The following TMPRSS9 variants were observed in gnomAD, a reference collection of about 807,000 sequenced individuals.
TMPRSS9 encodes the protein transmembrane protease serine 9.
TMPRSS9 carries 113 observed loss-of-function variants against 111.4 expected under a neutral mutation model. The ratio of observed to expected loss-of-function variants is 1.01; its 90% confidence interval spans 0.87 to 1.19. The LOEUF is 1.19. TMPRSS9 is among the 50% of genes most tolerant of loss of function. TMPRSS9 has a pLI of 0.00. For synonymous variants in TMPRSS9, 805 were observed against 659.1 expected (o/e 1.22, Z -3.39); for missense variants, 1,803 against 1,513.1 (o/e 1.19, Z -3.18).
intron 1 of TMPRSS9, among the ~76,000 whole-genome samples, chr19:2,394,740 T>G (rs1345421128): frequency 6.6e-6 from 1 of 152,152 alleles, no homozygotes; most frequent in Non-Finnish European, 1.5e-5. Context: ...GCTTTCACGG[T>G]TTACGCGGTT....
At chr19:2,416,696 C>A in exon 12 of TMPRSS9, 2 of 1,613,204 alleles carry the variant, frequency 1.2e-6, no homozygotes, top group Non-Finnish European at 1.7e-6. Flanking sequence ...CTGGCCAGCC[C>A]CCTGGCCTTC....
intron 7 of TMPRSS9, among the ~76,000 whole-genome samples, chr19:2,405,998 TTTTCTTTC>T (rs1250808255): frequency 6.8e-6 from 1 of 146,276 alleles, no homozygotes; most frequent in African/African-American, 2.5e-5. Flanking sequence ...GCCCGGCCTC[TTTTCTTTC>T]TTTCTTTCTT....
chr19:2,420,208 G>A (rs1971431700), intron 13 of TMPRSS9, among the ~76,000 whole-genome samples: 1 of 152,090 alleles, frequency 6.6e-6, no homozygotes. Context: ...GGAGGCCGAG[G>A]CAGGCAGATC....
rs144630215 is a variant in TMPRSS9, at chr19:2,368,155, A to T, written c.-26+7795A>T. On this transcript the variant is annotated intron_variant, in intron 1 of 17. Transcript: ENST00000649857. The stretch of plus-strand genomic sequence containing the variant: ...GAAATAACTTGCTCTTTCAGGAGGC[A>T]TTAGGCTACGGAACGGAGAGACTGC... 2.9e-3 allele frequency among the ~76,000 whole-genome samples: 435 copies of T among 152,298 alleles called. 3 individuals are homozygous for T. Among genetic ancestry groups the T allele is most frequent in the African/African-American group, 0.01 (418 of 41,574 alleles).
intron 6 of TMPRSS9, 81 bp from the exon 8 acceptor site, chr19:2,405,293 G>A: frequency 6.7e-7 from 1 of 1,481,692 alleles, no homozygotes; most frequent in Non-Finnish European, 8.9e-7. Context: ...GTAGACGAGA[G>A]ACTCAGAGAT....
At chr19:2,394,781 C>T (rs576661283) in intron 1 of TMPRSS9, among the ~76,000 whole-genome samples, 30 of 130,578 alleles carry the variant, frequency 2.3e-4, no homozygotes, top group African/African-American at 8.9e-4. Context: ...GTTGTAATTA[C>T]GGCCATTTTT....
chr19:2,376,410 G>T (rs1278461303), intron 1 of TMPRSS9, among the ~76,000 whole-genome samples: 1 of 152,120 alleles, frequency 6.6e-6, no homozygotes, highest in African/African-American at 2.4e-5. Context: ...TTAGGACCTG[G>T]ATGTCAGAGT....
chr19:2,392,156 C>G (rs1310018011), intron 1 of TMPRSS9, among the ~76,000 whole-genome samples: 2 of 151,656 alleles, frequency 1.3e-5, no homozygotes, highest in African/African-American at 4.8e-5. Flanking sequence ...CGAGACCAAC[C>G]TAGGCAACAT....
At chr19:2,425,291 G>A (rs1599322879) in intron 16 of TMPRSS9, 24 bp downstream of exon 17, 1 of 1,216,768 alleles carries the variant, frequency 8.2e-7, no homozygotes, top group East Asian at 4.2e-5. Flanking sequence ...GGGCCGCGGT[G>A]GTGCGGGGCT....
rs746262261 is a variant in TMPRSS9, at chr19:2,398,774, A to G, written c.271-21A>G. ...CCCATGCTGTGGGTCTCAACATTTG[A>G]TATTCTTGTTTCTATTGCAGTTTGT... is the stretch of plus-strand genomic sequence containing the variant. On this transcript the variant is annotated intron_variant, in intron 2 of 17. Coordinates refer to ENST00000648592, the Ensembl canonical transcript of TMPRSS9. 9.9e-6 allele frequency: 14 copies of G among 1,409,670 alleles called. No homozygotes were observed. In the South Asian group the frequency reaches 1.3e-4, roughly 13 times the overall value. 87.3% of individuals were successfully genotyped at this position (1,409,670 alleles called of 1,614,324 possible).
chr19:2,425,754 C>A, intron 17 of TMPRSS9, 173 bp from the exon 19 acceptor site: 1 of 1,163,468 alleles, frequency 8.6e-7, no homozygotes. Flanking sequence ...TCCGGGACCA[C>A]GTGGCGGGTG....
At chr19:2,417,478 A>C (rs11882332) in intron 12 of TMPRSS9, among the ~76,000 whole-genome samples, 8,538 of 151,312 alleles carry the variant, frequency 0.056, 260 homozygotes, top group East Asian at 0.099. Flanking sequence ...AAAAAAAAAA[A>C]AAAAATAGAA....
chr19:2,424,857 CTG>C (rs1309721526), intron 15 of TMPRSS9, 143 bp from the exon 17 acceptor site: 6 of 1,062,346 alleles, frequency 5.6e-6, no homozygotes, highest in African/African-American at 5.2e-5. Flanking sequence ...ATGGGGGAGA[CTG>C]AGCCCATTCC....
chr19:2,386,382 G>A (rs1480700672), upstream of TMPRSS9, among the ~76,000 whole-genome samples: 1 of 151,980 alleles, frequency 6.6e-6, no homozygotes, highest in Non-Finnish European at 1.5e-5. Context: ...GCGGGCGCCT[G>A]TAGTCCCAGC....
In TMPRSS9 at chr19:2,424,990, C is replaced by A. The variant is rs569666096; in HGVS notation, c.2718-12C>A. On this transcript the variant is annotated splice_polypyrimidine_tract_variant and intron_variant, in intron 15 of 17. Transcript: ENST00000648592. ...GGGCTCGGGCCGACGCCTGTCCTCGCGCGCCCCGCAGCTACGGGGACCCCA... is the reference window on the plus strand; with the variant it reads ...GGGCTCGGGCCGACGCCTGTCCTCGAGCGCCCCGCAGCTACGGGGACCCCA... 2 of 1,506,706 alleles carry A rather than the reference C, an allele frequency of 1.3e-6. No homozygotes were observed. The highest frequency in any genetic ancestry group is 1.8e-6 in the Non-Finnish European group (2 of 1,132,486). 93.3% of individuals were successfully genotyped at this position (1,506,706 alleles called of 1,614,324 possible).
At chr19:2,367,828 G>A (rs1970259911) in intron 1 of TMPRSS9, among the ~76,000 whole-genome samples, 1 of 151,850 alleles carries the variant, frequency 6.6e-6, no homozygotes, top group Non-Finnish European at 1.5e-5. Flanking sequence ...GCCTCCCAAA[G>A]TGCTGGGATT....
intron 9 of TMPRSS9, among the ~76,000 whole-genome samples, chr19:2,413,062 A>G (rs1971130290): frequency 6.6e-6 from 1 of 151,948 alleles, no homozygotes; most frequent in Admixed American, 6.6e-5. Context: ...GGGCGTGGTG[A>G]TGCGTGCCTA....
intron 2 of TMPRSS9, among the ~76,000 whole-genome samples, chr19:2,397,400 C>T (rs1044702327): frequency 2.0e-5 from 3 of 152,014 alleles, no homozygotes; most frequent in African/African-American, 7.2e-5. Flanking sequence ...AAGCGATTCT[C>T]CTGTCTCAGC....
exon 12 of TMPRSS9, chr19:2,416,640 C>T: frequency 6.2e-7 from 1 of 1,612,990 alleles, no homozygotes; most frequent in Non-Finnish European, 8.5e-7. Context: ...TGCTGCACCC[C>T]CTCTACAACC....
Sources: gnomAD v4.1 joint callset for allele counts (sites outside exome capture counted in the v4.1 genomes callset) on GRCh38, gnomAD v4.1.1 for gene constraint, MANE v1.5 for transcripts, NCBI Gene and HGNC (gene_info 2026-07-23, HGNC 2026-07-21) for gene names.